CDKAL1: variants seen among roughly 807,000 people sequenced by gnomAD.
CDKAL1 encodes the protein threonylcarbamoyladenosine tRNA methylthiotransferase.
Under a neutral mutation model 68.2 loss-of-function variants are expected in CDKAL1, and 32 were observed. The ratio of observed to expected loss-of-function variants is 0.47; its 90% CI spans 0.35 to 0.63. CDKAL1 has a LOEUF of 0.63. Ranked by LOEUF, CDKAL1 falls within the 30% of genes least tolerant of loss-of-function variation. The pLI is 0.00. For missense variants in CDKAL1, 606 were observed against 696.7 expected (o/e 0.87, Z 1.47); for synonymous variants, 234 against 244.3 (o/e 0.96, Z 0.39).
At chr6:20,775,830 A>G (rs934254967) in intron 7 of CDKAL1, among the ~76,000 whole-genome samples, 1 of 152,158 alleles carries the variant, frequency 6.6e-6, no homozygotes, top group Non-Finnish European at 1.5e-5. Flanking sequence ...TTGAAAGAGG[A>G]TTTCTAAATG....
chr6:20,555,319 A>C (rs1413715969), intron 4 of CDKAL1, among the ~76,000 whole-genome samples: 1 of 151,868 alleles, frequency 6.6e-6, no homozygotes, highest in East Asian at 1.9e-4. Context: ...TTTTATTTTT[A>C]TTTATTTTTA....
chr6:20,877,992 C>G (rs1760613760), intron 9 of CDKAL1, among the ~76,000 whole-genome samples: 1 of 152,116 alleles, frequency 6.6e-6, no homozygotes, highest in African/African-American at 2.4e-5. Context: ...TTTGCTGACC[C>G]TATTTCTTTC....
intron 12 of CDKAL1, among the ~76,000 whole-genome samples, chr6:21,086,351 G>C (rs184772126): frequency 6.6e-6 from 1 of 152,120 alleles, no homozygotes; most frequent in Admixed American, 6.5e-5. Context: ...TTAAAATATA[G>C]ACTCCTCAAT....
intron 13 of CDKAL1, among the ~76,000 whole-genome samples, chr6:21,197,172 ATAAT>A (rs1252043889): frequency 4.6e-5 from 7 of 150,728 alleles, no homozygotes; most frequent in Admixed American, 2.0e-4. Context: ...AAAAAAAATA[ATAAT>A]AATAATAATA....
intron 9 of CDKAL1, among the ~76,000 whole-genome samples, chr6:20,852,528 G>A (rs1228004044): frequency 6.6e-6 from 1 of 152,140 alleles, no homozygotes; most frequent in Non-Finnish European, 1.5e-5. Context: ...TTTTTTGGGA[G>A]AACTAAATAA....
intron 5 of CDKAL1, among the ~76,000 whole-genome samples, chr6:20,738,404 T>C (rs1490227806): frequency 3.3e-5 from 5 of 152,046 alleles, no homozygotes; most frequent in Non-Finnish European, 7.4e-5. Flanking sequence ...TCAAAACATA[T>C]TGCTAGCACC....
At chr6:21,182,627 G>C (rs371539717) in intron 13 of CDKAL1, among the ~76,000 whole-genome samples, 18 of 152,148 alleles carry the variant, frequency 1.2e-4, no homozygotes, top group African/African-American at 4.3e-4. Context: ...TTAATGAAGG[G>C]GTACTCATTT....
At chr6:20,642,374 T>C (rs1203440611) in intron 4 of CDKAL1, among the ~76,000 whole-genome samples, 1 of 151,728 alleles carries the variant, frequency 6.6e-6, no homozygotes, top group Non-Finnish European at 1.5e-5. Flanking sequence ...TGATATCCTA[T>C]GTGGCGTATG....
intron 5 of CDKAL1, among the ~76,000 whole-genome samples, chr6:20,731,520 A>G (rs73379337): frequency 0.13 from 19,872 of 152,224 alleles, 2,880 homozygotes; most frequent in African/African-American, 0.36. Context: ...CTTGCTGTTG[A>G]CTGAGATTAA....
chr6:21,086,205 A>G (rs1189730569), intron 12 of CDKAL1, among the ~76,000 whole-genome samples: 1 of 152,212 alleles, frequency 6.6e-6, no homozygotes, highest in East Asian at 1.9e-4. Flanking sequence ...AAGTGACACA[A>G]TTAATGGTGG....
At chr6:20,628,937 T>C (rs1264125281) in intron 4 of CDKAL1, among the ~76,000 whole-genome samples, 2 of 152,164 alleles carry the variant, frequency 1.3e-5, no homozygotes, top group Non-Finnish European at 2.9e-5. Flanking sequence ...AATACTTTAT[T>C]GTGTGTTTCC....
At chr6:20,901,972 C>T (rs1470843405) in intron 9 of CDKAL1, among the ~76,000 whole-genome samples, 2 of 151,948 alleles carry the variant, frequency 1.3e-5, no homozygotes, top group East Asian at 2.0e-4. Context: ...GATGGGGTTT[C>T]GCCATGTTGG....
At chr6:20,587,670 C>T (rs1285959870) in intron 4 of CDKAL1, among the ~76,000 whole-genome samples, 1 of 152,066 alleles carries the variant, frequency 6.6e-6, no homozygotes, top group Non-Finnish European at 1.5e-5. Flanking sequence ...GATTTTGAGG[C>T]TGCAGTGAGC....
chr6:21,193,340 C>A (rs955935079), intron 13 of CDKAL1, among the ~76,000 whole-genome samples: 1 of 152,148 alleles, frequency 6.6e-6, no homozygotes, highest in Non-Finnish European at 1.5e-5. Context: ...GAGAGACAGG[C>A]TTGATTAGAG....
At chr6:20,876,230 G>A (rs1001839656) in intron 9 of CDKAL1, among the ~76,000 whole-genome samples, 14 of 152,308 alleles carry the variant, frequency 9.2e-5, no homozygotes, top group Non-Finnish European at 2.1e-4. Context: ...GTTTAAAACT[G>A]GCAGAGCTGG....
At chr6:21,124,425 G>A (rs1418096919) in intron 13 of CDKAL1, among the ~76,000 whole-genome samples, 6 of 152,010 alleles carry the variant, frequency 3.9e-5, no homozygotes, top group South Asian at 4.2e-4. Context: ...CAACAGACTC[G>A]GGGGCATTTC....
intron 8 of CDKAL1, among the ~76,000 whole-genome samples, chr6:20,785,321 T>C (rs867006048): frequency 1.7e-4 from 25 of 148,884 alleles, no homozygotes; most frequent in Non-Finnish European, 2.2e-4. Context: ...TTTCTTTTTT[T>C]TTTTTTTTTT....
At chr6:20,572,351 A>C (rs1438195385) in intron 4 of CDKAL1, among the ~76,000 whole-genome samples, 1 of 152,194 alleles carries the variant, frequency 6.6e-6, no homozygotes, top group Non-Finnish European at 1.5e-5. Flanking sequence ...TTTAATGAGT[A>C]CATTACTTTT....
At chr6:20,830,760 C>G (rs769913694) in intron 8 of CDKAL1, among the ~76,000 whole-genome samples, 2 of 151,956 alleles carry the variant, frequency 1.3e-5, no homozygotes, top group East Asian at 1.9e-4. Flanking sequence ...TCAGTGTTGT[C>G]TTTGGCAAGG....
Sources: allele counts gnomAD v4.1 joint callset (sites outside exome capture counted in the v4.1 genomes callset), GRCh38; gene constraint gnomAD v4.1.1; transcripts MANE v1.5; gene names NCBI Gene and HGNC (gene_info 2026-07-23, HGNC 2026-07-21).